TREML2: variants seen among roughly 807,000 people sequenced by gnomAD.
TREML2 encodes the protein trem-like transcript 2 protein.
A neutral mutation model predicts 25.9 loss-of-function variants in TREML2; 24 were observed. The observed-to-expected ratio is 0.93, with a 90% CI of 0.67 to 1.30. TREML2 has a LOEUF of 1.30. TREML2 is among the 50% of genes most tolerant of loss of function. TREML2 has a pLI of 0.00. For missense variants in TREML2, 359 were observed against 395.6 expected (o/e 0.91, Z 0.78); for synonymous variants, 139 against 155.2 (o/e 0.90, Z 0.77).
At chr6:41,193,134 G>GC (rs1244757017) in intron 3 of TREML2, among the ~76,000 whole-genome samples, 1 of 152,150 alleles carries the variant, frequency 6.6e-6, no homozygotes, top group African/African-American at 2.4e-5. Context: ...CCTCCATTAT[G>GC]CCCCCAAATC....
At chr6:41,195,063 A>C (rs1766136705) in intron 2 of TREML2, among the ~76,000 whole-genome samples, 1 of 152,126 alleles carries the variant, frequency 6.6e-6, no homozygotes, top group Non-Finnish European at 1.5e-5. Flanking sequence ...AGAGACTACC[A>C]CAATTTCTTT....
chr6:41,199,019 C>T (rs866490154), intron 1 of TREML2, among the ~76,000 whole-genome samples: 3 of 152,192 alleles, frequency 2.0e-5, no homozygotes, highest in Admixed American at 6.5e-5. Context: ...CCTGCCACCA[C>T]GTCCGGCTAA....
chr6:41,191,739 CT>C lies in TREML2; in HGVS notation c.*687del, dbSNP rs1766066192. 1 of 153,030 alleles carries C rather than the reference CT, an allele frequency of 6.5e-6. No individual in the cohort carries two copies. Among genetic ancestry groups the C allele is most frequent in the Non-Finnish European group, 1.5e-5 (1 of 68,448 alleles). 9.5% of individuals were successfully genotyped at this position (153,030 alleles called of 1,614,324 possible). On this transcript the variant is annotated 3_prime_UTR_variant, in exon 5 of 5. Transcript: ENST00000483722. ...GAGGCTCTTAGCTGCCTGGTCACAG[CT>C]TTCTAAGGAGGCAGCGGCCAGCAGG...
rs35512890 is a variant in TREML2 at position 41,198,337 on chromosome 6, C to A, written c.148G>T (p.Val50Leu). The change falls in exon 2 of 5, where the codon GTG becomes TTG. Residue 50 changes from valine to leucine, a missense_variant. Transcript: ENST00000483722. ...QCSYKGYKNR[V>L]EGKVWCKIRK... ...ATTTTGCACCAAACCTTGCCCTCCA[C>A]GCGGTTTTTGTAGCCCTTATAGGAG... 1.2e-6 allele frequency: 2 copies of A among 1,612,580 alleles called. No homozygotes were observed. Among genetic ancestry groups the A allele is most frequent in the Non-Finnish European group, 1.7e-6 (2 of 1,179,782 alleles).
rs1226795173 is a variant in TREML2 at position 41,190,762 on chromosome 6, G to A, written c.*1665C>T. 6.6e-6 allele frequency: 1 copy of A among 152,200 alleles called. No homozygotes were observed. Among genetic ancestry groups the A allele is most frequent in the Admixed American group, 6.5e-5 (1 of 15,282 alleles). The allele number at this position is 152,200 out of a possible 1,614,324, so 9.4% of individuals were successfully genotyped here. On this transcript the variant is annotated 3_prime_UTR_variant, in exon 5 of 5. Transcript: ENST00000483722. Reference sequence around the variant, plus strand: ...CCCAGGTGGGTTAAGTTCTCTCCTAGTATACAACAGGATGGTGGCTACACC... The same window carrying A: ...CCCAGGTGGGTTAAGTTCTCTCCTAATATACAACAGGATGGTGGCTACACC...
rs2113904752 is a variant in TREML2 at position 41,194,595 on chromosome 6, G to A, written c.615C>T (p.Thr205=). 2 of 1,614,104 alleles carry A rather than the reference G, an allele frequency of 1.2e-6. No homozygotes were observed. The highest frequency in any genetic ancestry group is 1.7e-6 in the Non-Finnish European group (2 of 1,180,004). The change falls in exon 3 of 5, where the codon ACC becomes ACT. Residue 205 remains threonine, a synonymous_variant. Transcript: ENST00000483722. ...TSTTSQGPRR[T]MGSQTVTASP... ...ACGCGGTCACTGTCTGGGACCCCAT[G>A]GTCCTCCTGGGTCCCTGGCTGGTGG...
intron 3 of TREML2, among the ~76,000 whole-genome samples, chr6:41,194,132 CCT>C (rs1166729101): frequency 7.3e-6 from 1 of 137,022 alleles, no homozygotes; most frequent in Non-Finnish European, 1.6e-5. Context: ...CCTCCTTTCC[CCT>C]GTCCCTCCTG....
In TREML2 at chr6:41,192,364, A is replaced by T. The variant is rs1582095072; in HGVS notation, c.*63T>A. ...AAGATCGATACTGGCCCCAATCTTC[A>T]CCCCTCCTCTAACCCCCTGGGGCCA... On this transcript the variant is annotated 3_prime_UTR_variant, in exon 5 of 5. Transcript: ENST00000483722. 1 of 1,316,530 alleles carries T rather than the reference A, an allele frequency of 7.6e-7. No homozygotes were observed. The highest frequency in any genetic ancestry group is 2.3e-5 in the East Asian group (1 of 43,074). 81.6% of individuals were successfully genotyped at this position (1,316,530 alleles called of 1,614,324 possible). A position where few individuals can be genotyped will look rare whatever the true frequency, so the allele number is the denominator to read the frequency against.
chr6:41,198,491 A>C, intron 1 of TREML2, 62 bp from the exon 2 acceptor site: 1 of 1,498,432 alleles, frequency 6.7e-7, no homozygotes, highest in South Asian at 1.3e-5. Context: ...ACATCATGAA[A>C]GTTGAAGATC....
chr6:41,196,975 T>C (rs1766178849), intron 2 of TREML2, among the ~76,000 whole-genome samples: 1 of 152,234 alleles, frequency 6.6e-6, no homozygotes, highest in Non-Finnish European at 1.5e-5. Context: ...CCCTACGCTA[T>C]CAATGGTACC....
At position 41,201,086 on chromosome 6, in the gene TREML2, C is replaced by T. The variant is rs768511084; in HGVS notation, c.-78G>A. The T allele has an allele frequency of 6.4e-7, 1 of 1,558,038 alleles. No homozygotes were observed. Among genetic ancestry groups the T allele is most frequent in the East Asian group, 2.2e-5 (1 of 44,554 alleles). On this transcript the variant is annotated 5_prime_UTR_variant, in exon 1 of 5. Transcript: ENST00000483722. ...CCCGACACAGGATGTGCCACCTGGGCCTGCCAGGGAAGGACCCGGGGTTCT... is the reference window on the plus strand; with the variant it reads ...CCCGACACAGGATGTGCCACCTGGGTCTGCCAGGGAAGGACCCGGGGTTCT...
chr6:41,192,339 A>C lies in TREML2; in HGVS notation c.*88T>G. ...CACTGCACAAGTCCTCCAGCTTCAT[A>C]AGATCGATACTGGCCCCAATCTTCA... On this transcript the variant is annotated 3_prime_UTR_variant, in exon 5 of 5. Coordinates refer to ENST00000483722, the MANE Select transcript of TREML2 (RefSeq NM_024807.4). The C allele has an allele frequency of 9.4e-7, 1 of 1,066,436 alleles. No homozygotes were observed. Among genetic ancestry groups the C allele is most frequent in the Non-Finnish European group, 1.4e-6 (1 of 703,174 alleles). The allele number at this position is 1,066,436 out of a possible 1,614,324, so 66.1% of individuals were successfully genotyped here.
rs142007199 is a variant in TREML2, at chr6:41,194,438, T to A, written c.772A>T (p.Met258Leu). The A allele has an allele frequency of 6.4e-7, 1 of 1,574,734 alleles. No individual in the cohort carries two copies. Among genetic ancestry groups the A allele is most frequent in the South Asian group, 1.2e-5 (1 of 86,194 alleles). Residue 258 changes from methionine (M) to leucine (L), a missense_variant, in exon 3 of 5, where the codon ATG becomes TTG. Physicochemically the swap from Met to Leu is conservative, Grantham distance 15. Coordinates refer to ENST00000483722, the MANE Select transcript of TREML2 (RefSeq NM_024807.4). ...CCCCACAGGTACCTGATGGAGGGCA[T>A]GGAGGGTAGTCTGTTGAGGAGAGAT... ...SRSLLNRLPSMPSIRHQDVYS... is the reference protein window; with the variant it reads ...SRSLLNRLPSLPSIRHQDVYS...
chr6:41,198,610 T>C (rs2113909119), intron 1 of TREML2, among the ~76,000 whole-genome samples, 181 bp from the exon 2 acceptor site: 1 of 152,132 alleles, frequency 6.6e-6, no homozygotes, highest in South Asian at 2.1e-4. Context: ...GGGAGGTGAA[T>C]GGGCCCTGAA....
At chr6:41,192,930 G>C in intron 3 of TREML2, 29 bp from the exon 4 acceptor site, 1 of 1,520,138 alleles carries the variant, frequency 6.6e-7, no homozygotes, top group African/African-American at 1.4e-5. Context: ...GTGGAAGCGG[G>C]TGAGCACCAA....
At chr6:41,199,501 C>T (rs1766238060) in intron 1 of TREML2, among the ~76,000 whole-genome samples, 1 of 152,204 alleles carries the variant, frequency 6.6e-6, no homozygotes, top group Admixed American at 6.5e-5. Flanking sequence ...TCACTTTCCA[C>T]CTGCAATATC....
At chr6:41,195,140 C>A (rs1269986439) in intron 2 of TREML2, among the ~76,000 whole-genome samples, 10 of 152,190 alleles carry the variant, frequency 6.6e-5, no homozygotes, top group African/African-American at 2.4e-4. Context: ...TTTCCAGGCC[C>A]TCTTCGTTCC....
chr6:41,194,116 C>A (rs571328981), intron 3 of TREML2, among the ~76,000 whole-genome samples: 2 of 144,712 alleles, frequency 1.4e-5, no homozygotes, highest in East Asian at 4.2e-4. Context: ...ATCCTCCTCC[C>A]CCGACCCTCC....
intron 3 of TREML2, among the ~76,000 whole-genome samples, chr6:41,193,867 CCTT>C (rs907326977): frequency 3.0e-5 from 4 of 134,372 alleles, no homozygotes; most frequent in African/African-American, 1.1e-4. Flanking sequence ...CTCCCACTGA[CCTT>C]CTTCTCTGAC....
Sources: allele counts gnomAD v4.1 joint callset (sites outside exome capture counted in the v4.1 genomes callset), GRCh38; gene constraint gnomAD v4.1.1; transcripts MANE v1.5; gene names NCBI Gene and HGNC (gene_info 2026-07-23, HGNC 2026-07-21).